STARD8: variants seen among roughly 807,000 people sequenced by gnomAD.
STARD8 encodes StAR related lipid transfer domain containing 8, also known as stAR-related lipid transfer protein 8.
A neutral mutation model predicts 69.4 loss-of-function variants in STARD8; 25 were observed. That is an observed-to-expected ratio of 0.36 (90% CI 0.26 to 0.50). STARD8 has a LOEUF of 0.50. STARD8 is among the 20% of genes least tolerant of loss of function. The pLI is 0.96. For missense variants in STARD8, 921 were observed against 932.5 expected (o/e 0.99, Z 0.16); for synonymous variants, 389 against 374.6 (o/e 1.04, Z -0.45).
At chrX:68,710,140 A>G (rs2080038324) in intron 2 of STARD8, among the ~76,000 whole-genome samples, 1 of 112,267 alleles carries the variant, frequency 8.9e-6, no homozygotes, top group African/African-American at 3.2e-5. Context: ...TGAAAAGATC[A>G]GGGTTATAGT....
intron 2 of STARD8, among the ~76,000 whole-genome samples, chrX:68,707,285 C>A (rs1015088416): frequency 8.9e-6 from 1 of 112,124 alleles, no homozygotes; most frequent in African/African-American, 3.2e-5. Flanking sequence ...TCACAAACAC[C>A]GACTGCCTGC....
At position 68,684,699 on chromosome X, in the gene STARD8, TG is replaced by T. The variant is rs1158130812; in HGVS notation, c.79+19171del. ...TTGTCCTGCCTGGGCTAGTCCAGAA[TG>T]GGGACTGCTGATAGGCCAGAGGGTG... On this transcript the variant is annotated intron_variant, in intron 2 of 14. Transcript: ENST00000374599. 3.5e-5 allele frequency among the ~76,000 whole-genome samples: 4 copies of T among 112,761 alleles called. No homozygotes were observed. The East Asian group carries it at 1.1e-3, about 32-fold the overall frequency.
intron 2 of STARD8, among the ~76,000 whole-genome samples, chrX:68,703,535 C>T (rs975446656): frequency 5.3e-5 from 6 of 112,502 alleles, no homozygotes; most frequent in African/African-American, 1.9e-4. Flanking sequence ...GGGGAGGGGT[C>T]GTGTCTGCTC....
At chrX:68,713,047 A>C in intron 3 of STARD8, 62 bp downstream of exon 3, 1 of 1,060,166 alleles carries the variant, frequency 9.4e-7, no homozygotes, top group East Asian at 3.2e-5. Flanking sequence ...TTCATCTGTT[A>C]GATGGGGCAA....
chrX:68,719,092 C>A (rs1013177738), intron 6 of STARD8, 133 bp from the exon 7 acceptor site: 292 of 811,465 alleles, frequency 3.6e-4, no homozygotes, highest in Non-Finnish European at 4.2e-4. Flanking sequence ...TCAGCAGCAG[C>A]ACTAGAAAGT....
At chrX:68,648,263 A>G (rs1170734930) in intron 1 of STARD8, among the ~76,000 whole-genome samples, 2 of 111,728 alleles carry the variant, frequency 1.8e-5, no homozygotes, top group Non-Finnish European at 3.8e-5. Context: ...AGTAACACCA[A>G]CCTTACGGGG....
intron 2 of STARD8, among the ~76,000 whole-genome samples, chrX:68,674,905 C>A (rs997335794): frequency 8.3e-5 from 9 of 108,097 alleles, no homozygotes; most frequent in Non-Finnish European, 1.5e-4. Flanking sequence ...ACCTTAGCCT[C>A]CCAAGTAGCT....
intron 1 of STARD8, among the ~76,000 whole-genome samples, chrX:68,657,499 A>G (rs2079618130): frequency 8.9e-6 from 1 of 111,800 alleles, no homozygotes; most frequent in Non-Finnish European, 1.9e-5. Flanking sequence ...TTCACACTCA[A>G]CCCCCAAGTG....
chrX:68,668,377 G>A (rs1169986347), intron 2 of STARD8, among the ~76,000 whole-genome samples: 3 of 99,890 alleles, frequency 3.0e-5, no homozygotes, highest in Non-Finnish European at 4.0e-5. Flanking sequence ...AGGCTGAAGC[G>A]CAGTGGTGCA....
rs147733475 is a variant in STARD8, at chrX:68,717,815, G to T, written c.901G>T (p.Val301Phe). 24 of 1,210,153 alleles carry T rather than the reference G, an allele frequency of 2.0e-5. No homozygotes were observed. The African/African-American group carries it at 2.1e-4, about 11-fold the overall frequency. The change falls in exon 6 of 15, where the codon GTT (valine) becomes TTT (phenylalanine). Residue 301 changes from valine (V) to phenylalanine (F), a missense_variant. By Grantham distance (50) the Val-to-Phe change is conservative (BLOSUM62 -1). Coordinates refer to ENST00000374599, the MANE Select transcript of STARD8 (RefSeq NM_001142503.3). ...ACACCGGGGTGATTGCCTGGTGCAC[G>T]TTCCTGGGGACCACAAACCAGGCAC... Reference protein sequence around the residue: ...WTHRGDCLVHVPGDHKPGTFP... With the variant: ...WTHRGDCLVHFPGDHKPGTFP...
chrX:68,696,657 T>C (rs2079922113), intron 2 of STARD8, among the ~76,000 whole-genome samples: 1 of 111,748 alleles, frequency 8.9e-6, no homozygotes, highest in African/African-American at 3.3e-5. Flanking sequence ...CCTCAAATTC[T>C]CCGACTCTGG....
chrX:68,723,308 C>A (rs759877866), intron 12 of STARD8, among the ~76,000 whole-genome samples: 49 of 112,892 alleles, frequency 4.3e-4, no homozygotes, highest in Non-Finnish European at 6.4e-4. Context: ...TGCTAGATGG[C>A]AAGCTCCTTG....
chrX:68,652,971 A>C (rs1602534334), intron 1 of STARD8, among the ~76,000 whole-genome samples: 13 of 13,188 alleles, frequency 9.9e-4, no homozygotes, highest in East Asian at 5.3e-3. Context: ...CACACCACAC[A>C]CCACACACCA....
chrX:68,666,469 G>A (rs753558133), intron 2 of STARD8, among the ~76,000 whole-genome samples: 1 of 112,282 alleles, frequency 8.9e-6, no homozygotes, highest in South Asian at 3.8e-4. Flanking sequence ...ATCTTGGGAA[G>A]ACGTTGGAAG....
chrX:68,678,062 C>T (rs12387617), intron 2 of STARD8, among the ~76,000 whole-genome samples: 27,518 of 109,794 alleles, frequency 0.25, 6,716 homozygotes, highest in African/African-American at 0.76. Context: ...AGGGAATTTG[C>T]GGCTCTGACC....
chrX:68,653,677 CCACACCACACA>C (rs1331309316), intron 1 of STARD8, among the ~76,000 whole-genome samples: 1 of 81,861 alleles, frequency 1.2e-5, no homozygotes, highest in African/African-American at 4.6e-5. Flanking sequence ...CCCCAACACA[CCACACCACACA>C]CACACCACAC....
chrX:68,652,102 C>T (rs763979859), intron 1 of STARD8, among the ~76,000 whole-genome samples: 20 of 108,961 alleles, frequency 1.8e-4, no homozygotes, highest in African/African-American at 6.4e-4. Flanking sequence ...AAGTGATCAG[C>T]CCGCCTTGGC....
At chrX:68,661,412 C>A (rs924820748) in intron 1 of STARD8, among the ~76,000 whole-genome samples, 3 of 112,225 alleles carry the variant, frequency 2.7e-5, no homozygotes, top group African/African-American at 6.5e-5. Context: ...TCTGAAAAAA[C>A]TCATGATCTG....
Position 68,717,773 on chromosome X carries a change from CG to C in STARD8, c.861del (p.His288IlefsTer80). 8.3e-7 allele frequency: 1 copy of C among 1,211,919 alleles called. No individual in the cohort carries two copies. Among genetic ancestry groups the C allele is most frequent in the South Asian group, 1.8e-5 (1 of 56,975 alleles). Reference protein sequence around the residue: ...AWEAWPVASFRHPQWTHRGDC... With the variant: ...AWEAWPVASFXHPQWTHRGDC... ...GGAGGCCTGGCCTGTGGCCTCGTTC[CG>C]GCATCCTCAGTGGACACACCGGGGT... On this transcript the variant is annotated frameshift_variant, in exon 6 of 15. Transcript: ENST00000374599. LOFTEE classifies it high-confidence loss of function.
Sources: allele counts gnomAD v4.1 joint callset (sites outside exome capture counted in the v4.1 genomes callset), GRCh38; gene constraint gnomAD v4.1.1; transcripts MANE v1.5; gene names NCBI Gene and HGNC (gene_info 2026-07-23, HGNC 2026-07-21).